RGL2: variants seen among roughly 807,000 people sequenced by gnomAD.
The protein encoded by RGL2 is ral guanine nucleotide dissociation stimulator-like 2.
In RGL2, 40 loss-of-function variants were observed where a neutral mutation model predicts 84.6. That is an observed-to-expected ratio of 0.47 (90% CI 0.37 to 0.62). The LOEUF is 0.62. Among genes scored for constraint, RGL2 ranks in the 20% least tolerant of loss-of-function variants. The pLI is 0.00. For synonymous variants in RGL2, 369 were observed against 417.3 expected, an observed-to-expected ratio of 0.88 and a Z score of 1.41; for missense variants, 865 against 1,019.7, an observed-to-expected ratio of 0.85 and a Z score of 2.07.
chr6:33,293,617 A>C lies in RGL2; in HGVS notation c.1591T>G (p.Ser531Ala), dbSNP rs1227596958. ...PRVLRPTLVI[S>A]QWTEVLGSVG... ...TGAATCTCTCACTCTGTCCACTGCG[A>C]GATGACCAATGTTGGCCGAAGCACC... Residue 531 changes from serine to alanine, a missense_variant, in exon 14 of 18, where the codon TCG (serine) becomes GCG (alanine). Around this residue, in one of 5 missense-constraint regions of RGL2, gnomAD observed 302 missense variants for 327.9 expected, o/e 0.92. Transcript: ENST00000497454. The surrounding 1 kb of genome is among the most constrained non-coding windows in gnomAD (Gnocchi z 7.0). 4 of 1,614,028 alleles carry C rather than the reference A, an allele frequency of 2.5e-6. No individual in the cohort carries two copies. Among genetic ancestry groups the C allele is most frequent in the Non-Finnish European group, 3.4e-6 (4 of 1,180,018 alleles).
chr6:33,298,381 G>A lies in RGL2; in HGVS notation c.156+74C>T. On this transcript the variant is annotated intron_variant, in intron 2 of 17. Coordinates refer to ENST00000497454, the MANE Select transcript of RGL2 (RefSeq NM_004761.5). The surrounding 1 kb of genome is among the most constrained non-coding windows in gnomAD (Gnocchi z 4.8). ...CTGAGGCAAGGAGGAGGAGATGTAGGGACCCAGAGACAAGAGAAAAGTGGA... is the reference window on the plus strand; with the variant it reads ...CTGAGGCAAGGAGGAGGAGATGTAGAGACCCAGAGACAAGAGAAAAGTGGA... 1 of 792,362 alleles carries A rather than the reference G, an allele frequency of 1.3e-6. No homozygotes were observed. Among genetic ancestry groups the A allele is most frequent in the Middle Eastern group, 2.4e-4 (1 of 4,188 alleles). The allele number at this position is 792,362 out of a possible 1,614,324, so 49.1% of individuals were successfully genotyped here.
Position 33,297,197 on chromosome 6 carries a change from C to G in RGL2, c.157-82G>C. On this transcript the variant is annotated intron_variant, in intron 2 of 17. Coordinates refer to ENST00000497454, the MANE Select transcript of RGL2 (RefSeq NM_004761.5). The surrounding 1 kb of genome is among the most constrained non-coding windows in gnomAD (Gnocchi z 4.0). ...AGCCTTCACCCCAGGCCCTGCTCCTCCCTCTGTACCCCTCACCTGTGGTGG... is the reference window on the plus strand; with the variant it reads ...AGCCTTCACCCCAGGCCCTGCTCCTGCCTCTGTACCCCTCACCTGTGGTGG... 2 of 1,012,302 alleles carry G rather than the reference C, an allele frequency of 2.0e-6. No individual in the cohort carries two copies. The highest frequency in any genetic ancestry group is 3.2e-5 in the South Asian group (2 of 63,058). 62.7% of individuals were successfully genotyped at this position (1,012,302 alleles called of 1,614,324 possible). A position where few individuals can be genotyped will look rare whatever the true frequency, so the allele number is the denominator to read the frequency against.
At position 33,293,925 on chromosome 6, in the gene RGL2, G is replaced by A; in HGVS notation, c.1387-9C>T. ...GAAAGGACTGCAAACTCCTGGGAAGGAGCCCTCAAACTGCAGGAGCCAAAA... is the reference window on the plus strand; with the variant it reads ...GAAAGGACTGCAAACTCCTGGGAAGAAGCCCTCAAACTGCAGGAGCCAAAA... On this transcript the variant is annotated splice_polypyrimidine_tract_variant and intron_variant, in intron 12 of 17. Coordinates refer to ENST00000497454, the MANE Select transcript of RGL2 (RefSeq NM_004761.5). The surrounding 1 kb of genome is among the most constrained non-coding windows in gnomAD (Gnocchi z 7.0). 1 of 1,613,962 alleles carries A rather than the reference G, an allele frequency of 6.2e-7. No individual in the cohort carries two copies. Among genetic ancestry groups the A allele is most frequent in the Non-Finnish European group, 8.5e-7 (1 of 1,180,008 alleles).
In RGL2 at chr6:33,291,879, G is replaced by C; in HGVS notation, c.*223C>G. The C allele has an allele frequency of 3.3e-6, 2 of 604,312 alleles. No homozygotes were observed. Among genetic ancestry groups the C allele is most frequent in the Non-Finnish European group, 5.9e-6 (2 of 340,154 alleles). 37.4% of individuals were successfully genotyped at this position (604,312 alleles called of 1,614,324 possible). ...CTACCTGTGTGCTGCACTCATGGAA[G>C]GTGGGAAGCTATACACAGGTATCCA... On this transcript the variant is annotated 3_prime_UTR_variant, in exon 18 of 18. Coordinates refer to ENST00000497454, the MANE Select transcript of RGL2 (RefSeq NM_004761.5).
At position 33,298,461 on chromosome 6, in the gene RGL2, T is replaced by G; in HGVS notation, c.150A>C (p.Glu50Asp). The stretch of plus-strand genomic sequence containing the variant: ...CCCACCACCCGCGTCTCACCTCTTC[T>G]TCTTCCTCCTCCTCTTCCTCCTGCC... ...GGGQEEEEEEEEEAPVSVWDE... is the reference protein window; with the variant it reads ...GGGQEEEEEEDEEAPVSVWDE... Residue 50 changes from glutamate (E) to aspartate (D), a missense_variant, in exon 2 of 18, where the codon GAA (glutamate) becomes GAC (aspartate). Around this residue, in one of 5 missense-constraint regions of RGL2, gnomAD observed 455 missense variants for 507.8 expected, o/e 0.90. Transcript: ENST00000497454. This position sits in a 1 kb window ranked among gnomAD's most constrained non-coding sequence, Gnocchi z 4.8. 1 of 1,494,148 alleles carries G rather than the reference T, an allele frequency of 6.7e-7. No homozygotes were observed. The highest frequency in any genetic ancestry group is 1.2e-5 in the South Asian group (1 of 82,552). The allele number at this position is 1,494,148 out of a possible 1,614,324, so 92.6% of individuals were successfully genotyped here.
Position 33,296,310 on chromosome 6 carries a change from T to G in RGL2, c.486A>C (p.Val162=). ...LERTTEVAIS[V]LSTWLASHPE... ...GGTGAGAGGCCAGCCAGGTTGACAG[T>G]ACAGAGATGGCTACCCTGGGAGAAG... The change falls in exon 6 of 18, where the codon GTA becomes GTC. Residue 162 remains valine, a synonymous_variant. Coordinates refer to ENST00000497454, the MANE Select transcript of RGL2 (RefSeq NM_004761.5). This position sits in a 1 kb window ranked among gnomAD's most constrained non-coding sequence, Gnocchi z 5.0. 1 of 1,612,198 alleles carries G rather than the reference T, an allele frequency of 6.2e-7. No homozygotes were observed.
Position 33,293,560 on chromosome 6 carries a change from G to A in RGL2, c.1605-36C>T. On this transcript the variant is annotated intron_variant, in intron 14 of 17. Coordinates refer to ENST00000497454, the MANE Select transcript of RGL2 (RefSeq NM_004761.5). The surrounding 1 kb of genome is among the most constrained non-coding windows in gnomAD (Gnocchi z 7.0). Reference sequence around the variant, plus strand: ...AGGAGATTGGGAGGATCAGAGAAAAGTGGAAGTCCCAAGAAACCACCCCCC... The same window carrying A: ...AGGAGATTGGGAGGATCAGAGAAAAATGGAAGTCCCAAGAAACCACCCCCC... 1 of 1,612,674 alleles carries A rather than the reference G, an allele frequency of 6.2e-7. No homozygotes were observed. The highest frequency in any genetic ancestry group is 8.5e-7 in the Non-Finnish European group (1 of 1,179,122).
At position 33,295,765 on chromosome 6, in the gene RGL2, G is replaced by C. The variant is rs1554274107; in HGVS notation, c.769-6C>G. The C allele has an allele frequency of 6.2e-7, 1 of 1,612,354 alleles. No individual in the cohort carries two copies. The highest frequency in any genetic ancestry group is 1.3e-5 in the African/African-American group (1 of 74,914). On this transcript the variant is annotated splice_region_variant and splice_polypyrimidine_tract_variant and intron_variant, in intron 6 of 17. Coordinates refer to ENST00000497454, the MANE Select transcript of RGL2 (RefSeq NM_004761.5). The surrounding 1 kb of genome is among the most constrained non-coding windows in gnomAD (Gnocchi z 7.2). ...ATCAAATTGAGAAAAAGTTCCTGCA[G>C]GGTAGAGGTCAGAGGTTAAAGTTCA...
rs989579915 is a variant in RGL2 at position 33,297,067 on chromosome 6, C to A, written c.205G>T (p.Val69Phe). 6.4e-7 allele frequency: 1 copy of A among 1,574,448 alleles called. No individual in the cohort carries two copies. The highest frequency in any genetic ancestry group is 1.4e-5 in the African/African-American group (1 of 73,476). Residue 69 changes from valine to phenylalanine, a missense_variant, in exon 3 of 18, where the codon GTC becomes TTC. Physicochemically the swap from Val to Phe is conservative, Grantham distance 50. Transcript: ENST00000497454. The surrounding 1 kb of genome is among the most constrained non-coding windows in gnomAD (Gnocchi z 4.0). Reference protein sequence around the residue: ...DEEEDGAVFTVTSRQYRPLDP... With the variant: ...DEEEDGAVFTFTSRQYRPLDP... ...AGAGGTCGATATTGGCGGCTTGTGA[C>A]GGTAAACACGGCACCATCCTCCTCC...
chr6:33,293,541 T>C lies in RGL2; in HGVS notation c.1605-17A>G. 2 of 1,613,010 alleles carry C rather than the reference T, an allele frequency of 1.2e-6. No individual in the cohort carries two copies. The highest frequency in any genetic ancestry group is 1.7e-6 in the Non-Finnish European group (2 of 1,179,428). The stretch of plus-strand genomic sequence containing the variant: ...CCCAAAACCCTGCAGTGGCAGGAGA[T>C]TGGGAGGATCAGAGAAAAGTGGAAG... On this transcript the variant is annotated splice_polypyrimidine_tract_variant and intron_variant, in intron 14 of 17. Transcript: ENST00000497454. This position sits in a 1 kb window ranked among gnomAD's most constrained non-coding sequence, Gnocchi z 7.0.
chr6:33,293,248 A>G lies in RGL2; in HGVS notation c.1775T>C (p.Leu592Pro), dbSNP rs780103274. ...LDSALESSPS[L>P]HSPADPSHLS... ...GTGGCTGGGGTCAGCTGGACTGTGC[A>G]GGGATGGACTGCTTTCCAAGGCAGA... Residue 592 changes from leucine (L) to proline (P), a missense_variant, in exon 16 of 18, where the codon CTG becomes CCG. This residue lies in a region of RGL2 where 302 missense variants were observed against 327.9 expected (regional missense o/e 0.92). Coordinates refer to ENST00000497454, the MANE Select transcript of RGL2 (RefSeq NM_004761.5). The surrounding 1 kb of genome is among the most constrained non-coding windows in gnomAD (Gnocchi z 7.0). The G allele has an allele frequency of 3.9e-6, 6 of 1,550,106 alleles. No individual in the cohort carries two copies. The highest frequency in any genetic ancestry group is 5.2e-6 in the Non-Finnish European group (6 of 1,150,138).
chr6:33,294,979 C>G lies in RGL2; in HGVS notation c.1276G>C (p.Gly426Arg). 1 of 1,575,140 alleles carries G rather than the reference C, an allele frequency of 6.3e-7. No individual in the cohort carries two copies. The highest frequency in any genetic ancestry group is 1.2e-5 in the South Asian group (1 of 86,138). ...CCACCACCCCGCTAGTCACTCACCC[C>G]ACCCCGGGAGCCAGACCTCGGGGCC... ...KKAPRSGSRGGGVVPYLGTFL... is the reference protein window; with the variant it reads ...KKAPRSGSRGRGVVPYLGTFL... The change falls in exon 10 of 18, where the codon GGG (glycine) becomes CGG (arginine). Residue 426 changes from glycine to arginine, a missense_variant and splice_region_variant. Coordinates refer to ENST00000497454, the MANE Select transcript of RGL2 (RefSeq NM_004761.5). The surrounding 1 kb of genome is among the most constrained non-coding windows in gnomAD (Gnocchi z 5.0).
chr6:33,298,550 T>A lies in RGL2; in HGVS notation c.61A>T (p.Ser21Cys). 1 of 1,488,562 alleles carries A rather than the reference T, an allele frequency of 6.7e-7. No individual in the cohort carries two copies. Among genetic ancestry groups the A allele is most frequent in the Middle Eastern group, 1.7e-4 (1 of 5,750 alleles). The allele number at this position is 1,488,562 out of a possible 1,614,324, so 92.2% of individuals were successfully genotyped here. ...TCGGGGTCCCGGCTTCGGAAGCTGCTCAGTACGACTCCCCCGGGGGGGCTC... is the reference window on the plus strand; with the variant it reads ...TCGGGGTCCCGGCTTCGGAAGCTGCACAGTACGACTCCCCCGGGGGGGCTC... Reference protein sequence around the residue: ...DTSPPGGVVLSSFRSRDPEEG... With the variant: ...DTSPPGGVVLCSFRSRDPEEG... The change falls in exon 2 of 18, where the codon AGC (serine) becomes TGC (cysteine). Residue 21 changes from serine (S) to cysteine (C), a missense_variant. Ser to Cys is a moderately radical substitution (Grantham distance 112, BLOSUM62 -1). Coordinates refer to ENST00000497454, the MANE Select transcript of RGL2 (RefSeq NM_004761.5). The surrounding 1 kb of genome is among the most constrained non-coding windows in gnomAD (Gnocchi z 4.8).
At position 33,297,296 on chromosome 6, in the gene RGL2, A is replaced by C. The variant is rs1201830852; in HGVS notation, c.157-181T>G. ...CCCCAGGTCTCCCCCACTGGGGCCC[A>C]GACAGCCCCACCCCAGCCGCCTCAG... On this transcript the variant is annotated intron_variant, in intron 2 of 17. Coordinates refer to ENST00000497454, the MANE Select transcript of RGL2 (RefSeq NM_004761.5). This position sits in a 1 kb window ranked among gnomAD's most constrained non-coding sequence, Gnocchi z 4.0. 1.9e-6 allele frequency: 1 copy of C among 535,032 alleles called. No homozygotes were observed. The highest frequency in any genetic ancestry group is 3.3e-6 in the Non-Finnish European group (1 of 307,316). 33.1% of individuals were successfully genotyped at this position (535,032 alleles called of 1,614,324 possible). A position where few individuals can be genotyped will look rare whatever the true frequency, so the allele number is the denominator to read the frequency against.
Position 33,297,057 on chromosome 6 carries a change from C to T in RGL2, c.215G>A (p.Arg72His), listed in dbSNP as rs750149613. Reference sequence around the variant, plus strand: ...CAAGGGATCAAGAGGTCGATATTGGCGGCTTGTGACGGTAAACACGGCACC... The same window carrying T: ...CAAGGGATCAAGAGGTCGATATTGGTGGCTTGTGACGGTAAACACGGCACC... ...EDGAVFTVTSRQYRPLDPLVP... is the reference protein window; with the variant it reads ...EDGAVFTVTSHQYRPLDPLVP... Residue 72 changes from arginine to histidine, a missense_variant, in exon 3 of 18, where the codon CGC (arginine) becomes CAC (histidine). Coordinates refer to ENST00000497454, the MANE Select transcript of RGL2 (RefSeq NM_004761.5). The surrounding 1 kb of genome is among the most constrained non-coding windows in gnomAD (Gnocchi z 4.0). The T allele has an allele frequency of 1.3e-5, 20 of 1,576,454 alleles. No homozygotes were observed. In the South Asian group the frequency reaches 1.8e-4, roughly 14 times the overall value.
Position 33,298,295 on chromosome 6 carries a change from G to A in RGL2, c.156+160C>T. On this transcript the variant is annotated intron_variant, in intron 2 of 17. Coordinates refer to ENST00000497454, the MANE Select transcript of RGL2 (RefSeq NM_004761.5). The surrounding 1 kb of genome is among the most constrained non-coding windows in gnomAD (Gnocchi z 4.8). ...TGAGTCACACTGACAGAGAACCACG[G>A]AGACGCCAGGACTCCCCGCAGCAGA... is the stretch of plus-strand genomic sequence containing the variant. The A allele has an allele frequency of 1.8e-6, 1 of 555,860 alleles. No homozygotes were observed. The highest frequency in any genetic ancestry group is 3.2e-6 in the Non-Finnish European group (1 of 307,960). 34.4% of individuals were successfully genotyped at this position (555,860 alleles called of 1,614,324 possible). A position where few individuals can be genotyped will look rare whatever the true frequency, so the allele number is the denominator to read the frequency against.
chr6:33,298,270 T>C lies in RGL2; in HGVS notation c.156+185A>G. ...AGGGCAGGTTCCTGCGGGCAGGTCC[T>C]GAGTCACACTGACAGAGAACCACGG... On this transcript the variant is annotated intron_variant, in intron 2 of 17. Coordinates refer to ENST00000497454, the MANE Select transcript of RGL2 (RefSeq NM_004761.5). This position sits in a 1 kb window ranked among gnomAD's most constrained non-coding sequence, Gnocchi z 4.8. 1 of 539,850 alleles carries C rather than the reference T, an allele frequency of 1.9e-6. No individual in the cohort carries two copies. The highest frequency in any genetic ancestry group is 3.4e-6 in the Non-Finnish European group (1 of 298,168). The allele number at this position is 539,850 out of a possible 1,614,324, so 33.4% of individuals were successfully genotyped here. A position where few individuals can be genotyped will look rare whatever the true frequency, so the allele number is the denominator to read the frequency against.
chr6:33,298,384 C>T lies in RGL2; in HGVS notation c.156+71G>A. The T allele has an allele frequency of 2.4e-6, 2 of 828,570 alleles. No individual in the cohort carries two copies. The highest frequency in any genetic ancestry group is 1.8e-5 in the South Asian group (1 of 56,324). The allele number at this position is 828,570 out of a possible 1,614,324, so 51.3% of individuals were successfully genotyped here. On this transcript the variant is annotated intron_variant, in intron 2 of 17. Coordinates refer to ENST00000497454, the MANE Select transcript of RGL2 (RefSeq NM_004761.5). The surrounding 1 kb of genome is among the most constrained non-coding windows in gnomAD (Gnocchi z 4.8). ...AGGCAAGGAGGAGGAGATGTAGGGA[C>T]CCAGAGACAAGAGAAAAGTGGAGAC...
In RGL2 at chr6:33,298,667, G is replaced by T; in HGVS notation, c.-41-16C>A. ...ATGGGGGCGCCTGGGGAGAGACGGG[G>T]TGGGGTGGGGGTGGAGAGTCAGGCA... On this transcript the variant is annotated splice_polypyrimidine_tract_variant and intron_variant, in intron 1 of 17. Coordinates refer to ENST00000497454, the MANE Select transcript of RGL2 (RefSeq NM_004761.5). This position sits in a 1 kb window ranked among gnomAD's most constrained non-coding sequence, Gnocchi z 4.8. 4 of 1,218,536 alleles carry T rather than the reference G, an allele frequency of 3.3e-6. No homozygotes were observed. Among genetic ancestry groups the T allele is most frequent in the Non-Finnish European group, 4.4e-6 (4 of 911,194 alleles). The allele number at this position is 1,218,536 out of a possible 1,614,324, so 75.5% of individuals were successfully genotyped here.
Sources: allele counts gnomAD v4.1 joint callset, GRCh38; gene constraint gnomAD v4.1.1; regional missense constraint gnomAD v4.1.1; non-coding constraint Gnocchi (gnomAD v3.1); transcripts MANE v1.5; gene names NCBI Gene and HGNC (gene_info 2026-07-23, HGNC 2026-07-21).